MVB12B: variants seen among roughly 807,000 people sequenced by gnomAD.
The protein encoded by MVB12B is multivesicular body subunit 12B, also known as ESCRT-I complex subunit MVB12B.
Under a neutral mutation model 41.6 loss-of-function variants are expected in MVB12B, and 16 were observed. The observed-to-expected ratio is 0.38, with a 90% CI of 0.26 to 0.58. MVB12B has a LOEUF of 0.58. Among genes scored for constraint, MVB12B ranks in the 20% least tolerant of loss-of-function variants. The probability of loss-of-function intolerance (pLI) is 0.62; values close to 1 mark genes in which losing one functional copy is unlikely to be tolerated. For synonymous variants in MVB12B, 133 were observed against 139.7 expected, an observed-to-expected ratio of 0.95 and a Z score of 0.34; for missense variants, 274 against 380.2, an observed-to-expected ratio of 0.72 and a Z score of 2.32.
intron 1 of MVB12B, among the ~76,000 whole-genome samples, chr9:126,335,930 T>C (rs2118801566): frequency 6.6e-6 from 1 of 152,358 alleles, no homozygotes; most frequent in African/African-American, 2.4e-5. Context: ...TTGAAATTAC[T>C]CTCCTCAAAA....
chr9:126,446,938 C>CTTTTT (rs33991689), intron 7 of MVB12B, among the ~76,000 whole-genome samples: 77 of 104,316 alleles, frequency 7.4e-4, no homozygotes, highest in Non-Finnish European at 9.0e-4. Flanking sequence ...TTTTAACTTT[C>CTTTTT]TTTTTTTTTT....
chr9:126,482,916 T>G (rs1833557240), intron 8 of MVB12B, among the ~76,000 whole-genome samples: 1 of 152,224 alleles, frequency 6.6e-6, no homozygotes, highest in African/African-American at 2.4e-5. Context: ...CCGCTTTTAA[T>G]GGACGAGGGA....
At chr9:126,356,802 C>G (rs1199434836) in intron 2 of MVB12B, among the ~76,000 whole-genome samples, 1 of 151,878 alleles carries the variant, frequency 6.6e-6, no homozygotes, top group African/African-American at 2.4e-5. Context: ...TGGCACCTGC[C>G]TTCATTCTCT....
chr9:126,401,221 C>T (rs938986880), intron 6 of MVB12B, among the ~76,000 whole-genome samples: 11 of 152,146 alleles, frequency 7.2e-5, no homozygotes, highest in Admixed American at 4.6e-4. Flanking sequence ...GAGTTCTGAC[C>T]GGCAGCCTCC....
At position 126,473,829 on chromosome 9, in the gene MVB12B, CG is replaced by C. The variant is rs1381198264; in HGVS notation, c.758-7539del. Among the ~76,000 whole-genome samples, 1 of 152,204 alleles carries C rather than the reference CG, an allele frequency of 6.6e-6. No homozygotes were observed. The highest frequency in any genetic ancestry group is 2.4e-5 in the African/African-American group (1 of 41,442). Reference sequence around the variant, plus strand: ...TGGGTGGGGACACAGATTCAAGCCACGTTAAGTGGTAATGTTGAGGCTTGAG... The same window carrying C: ...TGGGTGGGGACACAGATTCAAGCCACTTAAGTGGTAATGTTGAGGCTTGAG... On this transcript the variant is annotated intron_variant, in intron 7 of 9. Transcript: ENST00000361171. The surrounding 1 kb of genome is among the most constrained non-coding windows in gnomAD (Gnocchi z 4.0).
chr9:126,495,214 A>C (rs1833806631), intron 9 of MVB12B, among the ~76,000 whole-genome samples: 1 of 147,328 alleles, frequency 6.8e-6, no homozygotes, highest in East Asian at 2.0e-4. Flanking sequence ...AAAATGAGAG[A>C]GAGAGAAAGA....
At chr9:126,377,168 C>T (rs1486033087) in intron 2 of MVB12B, among the ~76,000 whole-genome samples, 2 of 152,218 alleles carry the variant, frequency 1.3e-5, no homozygotes, top group African/African-American at 4.8e-5. Flanking sequence ...TGTGTACATT[C>T]CGCCACTGCC....
chr9:126,458,518 G>T (rs761749015), intron 7 of MVB12B, among the ~76,000 whole-genome samples: 2 of 152,104 alleles, frequency 1.3e-5, no homozygotes, highest in African/African-American at 4.8e-5. Flanking sequence ...TTGGATTCAC[G>T]TGATATTCTT....
At chr9:126,488,454 G>A (rs188831925) in intron 9 of MVB12B, among the ~76,000 whole-genome samples, 3 of 152,212 alleles carry the variant, frequency 2.0e-5, no homozygotes, top group Non-Finnish European at 4.4e-5. Flanking sequence ...ATCTCCCCAG[G>A]CTCGCCCACG....
chr9:126,480,262 G>A lies in MVB12B; in HGVS notation c.758-1107G>A, dbSNP rs982163381. Among the ~76,000 whole-genome samples, 9 of 152,168 alleles carry A rather than the reference G, an allele frequency of 5.9e-5. No individual in the cohort carries two copies. The highest frequency in any genetic ancestry group is 1.7e-4 in the African/African-American group (7 of 41,432). On this transcript the variant is annotated intron_variant, in intron 7 of 9. Transcript: ENST00000361171. The surrounding 1 kb of genome is among the most constrained non-coding windows in gnomAD (Gnocchi z 4.9). ...CTAACAACTGCGGCTGCATGTTCCCGACTCTTCCCAGACCTAAGGGAGAAG... is the reference window on the plus strand; with the variant it reads ...CTAACAACTGCGGCTGCATGTTCCCAACTCTTCCCAGACCTAAGGGAGAAG...
chr9:126,461,223 G>A (rs938218535), intron 7 of MVB12B, among the ~76,000 whole-genome samples: 4 of 152,252 alleles, frequency 2.6e-5, no homozygotes, highest in Non-Finnish European at 4.4e-5. Flanking sequence ...GTGCATGGCC[G>A]TCAGCACCCC....
At chr9:126,482,433 T>G (rs1220907345) in intron 8 of MVB12B, among the ~76,000 whole-genome samples, 1 of 152,236 alleles carries the variant, frequency 6.6e-6, no homozygotes, top group Admixed American at 6.5e-5. Flanking sequence ...ACCCTTCTGG[T>G]AAGCAGCTTA....
chr9:126,340,712 TG>T lies in MVB12B; in HGVS notation c.204+83del. The stretch of plus-strand genomic sequence containing the variant: ...CCTGTGTCCAAGACCTTCTGGCCCT[TG>T]CGTGTAAGATGTGCTTCTTCCCTCT... On this transcript the variant is annotated intron_variant, in intron 2 of 9. Transcript: ENST00000361171. This position sits in a 1 kb window ranked among gnomAD's most constrained non-coding sequence, Gnocchi z 4.0. The T allele has an allele frequency of 2.0e-6, 3 of 1,516,800 alleles. No homozygotes were observed. Among genetic ancestry groups the T allele is most frequent in the Non-Finnish European group, 2.7e-6 (3 of 1,106,064 alleles). The allele number at this position is 1,516,800 out of a possible 1,614,324, so 94.0% of individuals were successfully genotyped here. A position where few individuals can be genotyped will look rare whatever the true frequency, so the allele number is the denominator to read the frequency against.
chr9:126,350,403 C>G (rs925027370), intron 2 of MVB12B, among the ~76,000 whole-genome samples: 3 of 152,184 alleles, frequency 2.0e-5, no homozygotes, highest in African/African-American at 7.2e-5. Context: ...TGAGAACTCT[C>G]TGCCTAGCTC....
chr9:126,395,896 A>C lies in MVB12B; in HGVS notation c.662+199A>C. The C allele has an allele frequency of 7.1e-7, 1 of 1,399,634 alleles. No homozygotes were observed. Among genetic ancestry groups the C allele is most frequent in the South Asian group, 1.6e-5 (1 of 61,732 alleles). The allele number at this position is 1,399,634 out of a possible 1,614,324, so 86.7% of individuals were successfully genotyped here. A position where few individuals can be genotyped will look rare whatever the true frequency, so the allele number is the denominator to read the frequency against. On this transcript the variant is annotated intron_variant, in intron 6 of 9. Transcript: ENST00000361171. The surrounding 1 kb of genome is among the most constrained non-coding windows in gnomAD (Gnocchi z 4.9). ...TACATGAATGCAAAGGCCATTCTAT[A>C]GTCTATTTTGTGCGTGTTCTGCAGG...
chr9:126,382,961 AG>A (rs1194696911), intron 3 of MVB12B, among the ~76,000 whole-genome samples: 1 of 152,240 alleles, frequency 6.6e-6, no homozygotes, highest in Non-Finnish European at 1.5e-5. Context: ...GAAGAGGACA[AG>A]GGCAGTGTGA....
chr9:126,351,482 T>G (rs528868682), intron 2 of MVB12B, among the ~76,000 whole-genome samples: 6 of 116,878 alleles, frequency 5.1e-5, no homozygotes, highest in South Asian at 3.0e-4. Context: ...AGTCTTTCAC[T>G]CTTTTTTTTT....
chr9:126,387,086 G>GA (rs1830818157), intron 4 of MVB12B, among the ~76,000 whole-genome samples: 1 of 152,122 alleles, frequency 6.6e-6, no homozygotes, highest in South Asian at 2.1e-4. Flanking sequence ...GAGCAAACAA[G>GA]AAAAGTGAGA....
chr9:126,340,521 T>C lies in MVB12B; in HGVS notation c.95T>C (p.Met32Thr). The C allele has an allele frequency of 1.2e-6, 2 of 1,614,170 alleles. No individual in the cohort carries two copies. Among genetic ancestry groups the C allele is most frequent in the Non-Finnish European group, 1.7e-6 (2 of 1,179,988 alleles). ...TTGCTGAACCAGGACCAGTCCACCA[T>C]GCCTGAAGTCAAAGACCTCTCAGAA... ...PPQRGTDQST[M>T]PEVKDLSEAL... Residue 32 changes from methionine to threonine, a missense_variant, in exon 2 of 10, where the codon ATG becomes ACG. Transcript: ENST00000361171. The surrounding 1 kb of genome is among the most constrained non-coding windows in gnomAD (Gnocchi z 4.0).
Sources: gnomAD v4.1 joint callset for allele counts (sites outside exome capture counted in the v4.1 genomes callset) on GRCh38, gnomAD v4.1.1 for gene constraint, Gnocchi (gnomAD v3.1) non-coding constraint, MANE v1.5 for transcripts, NCBI Gene and HGNC (gene_info 2026-07-23, HGNC 2026-07-21) for gene names.